MICAL3: variants seen among roughly 807,000 people sequenced by gnomAD.
MICAL3 encodes microtubule associated monooxygenase, calponin and LIM domain containing 3.
MICAL3 carries 62 observed loss-of-function variants against 207.4 expected under a neutral mutation model. The ratio of observed to expected loss-of-function variants is 0.30; its 90% confidence interval spans 0.24 to 0.37. The LOEUF is 0.37. MICAL3 is among the 10% of genes least tolerant of loss of function. The pLI is 1.00. For synonymous variants in MICAL3, 1,077 were observed against 1,069.3 expected (o/e 1.01, Z -0.14); for missense variants, 2,368 against 2,635.6 (o/e 0.90, Z 2.22).
At chr22:17,910,446 A>G (rs1932051829) in intron 1 of MICAL3, among the ~76,000 whole-genome samples, 1 of 152,172 alleles carries the variant, frequency 6.6e-6, no homozygotes, top group Non-Finnish European at 1.5e-5. Flanking sequence ...AACACTTTTA[A>G]ATTAACAGAT....
intron 19 of MICAL3, among the ~76,000 whole-genome samples, chr22:17,854,181 C>T (rs1925644518): frequency 6.6e-6 from 1 of 151,760 alleles, no homozygotes; most frequent in Non-Finnish European, 1.5e-5. Flanking sequence ...CCCTGGGTCA[C>T]TTGGCAATGT....
Position 17,902,065 on chromosome 22 carries a change from C to T in MICAL3, c.590-86G>A. 1 of 934,370 alleles carries T rather than the reference C, an allele frequency of 1.1e-6. No individual in the cohort carries two copies. The highest frequency in any genetic ancestry group is 1.6e-6 in the Non-Finnish European group (1 of 609,928). 57.9% of individuals were successfully genotyped at this position (934,370 alleles called of 1,614,324 possible). On this transcript the variant is annotated intron_variant, in intron 4 of 31. Coordinates refer to ENST00000441493, the MANE Select transcript of MICAL3 (RefSeq NM_015241.3). This position sits in a 1 kb window ranked among gnomAD's most constrained non-coding sequence, Gnocchi z 4.5. ...ATCTCTAGATACCCAGTCATGTGAA[C>T]TGCACAAAACCCTGGGCCAAAAACA... is the stretch of plus-strand genomic sequence containing the variant.
intron 29 of MICAL3, among the ~76,000 whole-genome samples, chr22:17,807,315 C>G (rs1237766126): frequency 6.6e-6 from 1 of 152,208 alleles, no homozygotes; most frequent in African/African-American, 2.4e-5. Flanking sequence ...CTGAGGAGGC[C>G]AAATCAGAGT....
intron 1 of MICAL3, among the ~76,000 whole-genome samples, chr22:17,947,318 C>T (rs1407088332): frequency 6.6e-6 from 1 of 152,226 alleles, no homozygotes; most frequent in Non-Finnish European, 1.5e-5. Context: ...AATGTTTTCC[C>T]TTCATGAAGA....
intron 1 of MICAL3, among the ~76,000 whole-genome samples, chr22:17,917,069 A>C (rs1163640381): frequency 6.6e-6 from 1 of 152,092 alleles, no homozygotes; most frequent in Non-Finnish European, 1.5e-5. Flanking sequence ...GCTGGTGCCC[A>C]CTGTATTGAC....
intron 20 of MICAL3, among the ~76,000 whole-genome samples, chr22:17,836,499 T>G (rs565491686): frequency 1.4e-3 from 218 of 152,276 alleles, no homozygotes; most frequent in African/African-American, 4.3e-3. Flanking sequence ...GCCAGTAGCC[T>G]CTGTCAGGGT....
chr22:17,869,040 T>C (rs1355068780), intron 17 of MICAL3, among the ~76,000 whole-genome samples: 1 of 152,120 alleles, frequency 6.6e-6, no homozygotes, highest in Non-Finnish European at 1.5e-5. Context: ...TCTCACCCTG[T>C]GGAGACCAGG....
intron 1 of MICAL3, among the ~76,000 whole-genome samples, chr22:17,914,870 G>A (rs1231061491): frequency 6.6e-6 from 1 of 152,212 alleles, no homozygotes; most frequent in Non-Finnish European, 1.5e-5. Flanking sequence ...CAACGCCTAT[G>A]AGGAGTCAAT....
intron 1 of MICAL3, among the ~76,000 whole-genome samples, chr22:18,007,877 C>T (rs1402538034): frequency 3.8e-5 from 5 of 132,644 alleles, no homozygotes; most frequent in African/African-American, 8.8e-5. Flanking sequence ...GAGCCGAGAT[C>T]GCACCACTGC....
At chr22:18,023,520 T>G (rs1924613383) in intron 1 of MICAL3, among the ~76,000 whole-genome samples, 1 of 152,214 alleles carries the variant, frequency 6.6e-6, no homozygotes, top group Non-Finnish European at 1.5e-5. Flanking sequence ...GGGAAGGGGT[T>G]GGCAGGCACG....
At chr22:17,913,119 T>G (rs758349950) in intron 1 of MICAL3, among the ~76,000 whole-genome samples, 11 of 152,130 alleles carry the variant, frequency 7.2e-5, no homozygotes, top group Non-Finnish European at 1.6e-4. Context: ...CTCAGCAGGA[T>G]GGAGAGGAAA....
chr22:17,795,858 G>C (rs2061870759), intron 29 of MICAL3, among the ~76,000 whole-genome samples: 1 of 143,338 alleles, frequency 7.0e-6, no homozygotes, highest in South Asian at 2.3e-4. Flanking sequence ...TCCAACAAGG[G>C]GAGTTCCACC....
chr22:17,939,725 G>C (rs1204971705), intron 1 of MICAL3, among the ~76,000 whole-genome samples: 1 of 152,188 alleles, frequency 6.6e-6, no homozygotes, highest in Non-Finnish European at 1.5e-5. Flanking sequence ...GCTGGAGAGT[G>C]ACTGGGAAAC....
chr22:18,001,818 G>T (rs1186185112), intron 1 of MICAL3, among the ~76,000 whole-genome samples: 1 of 152,266 alleles, frequency 6.6e-6, no homozygotes, highest in Non-Finnish European at 1.5e-5. Context: ...TCTTGGAAGG[G>T]GCGAGAAGCC....
intron 1 of MICAL3, among the ~76,000 whole-genome samples, chr22:17,976,628 C>T (rs1420868489): frequency 5.7e-5 from 7 of 122,490 alleles, no homozygotes; most frequent in Admixed American, 3.1e-4. Flanking sequence ...CTCACTCTGT[C>T]GCCCAGGCTG....
intron 1 of MICAL3, among the ~76,000 whole-genome samples, chr22:17,972,766 G>A (rs1935475548): frequency 6.6e-6 from 1 of 152,220 alleles, no homozygotes; most frequent in African/African-American, 2.4e-5. Context: ...GAGAGGAAAG[G>A]GAGGAAAAAT....
chr22:17,887,554 C>T lies in MICAL3; in HGVS notation c.1892-119G>A, dbSNP rs2146223317. 3 of 631,318 alleles carry T rather than the reference C, an allele frequency of 4.8e-6. No homozygotes were observed. In the South Asian group the frequency reaches 6.3e-5, roughly 13 times the overall value. 39.1% of individuals were successfully genotyped at this position (631,318 alleles called of 1,614,324 possible). On this transcript the variant is annotated intron_variant, in intron 13 of 31. Transcript: ENST00000441493. Reference sequence around the variant, plus strand: ...GCCTCAGAAGGCTCTAAAGGTTCACCAGCTCCAGGACAAGCATGTGGTCTC... The same window carrying T: ...GCCTCAGAAGGCTCTAAAGGTTCACTAGCTCCAGGACAAGCATGTGGTCTC...
chr22:17,965,636 G>T lies in MICAL3; in HGVS notation c.-75+58645C>A, dbSNP rs561009219. ...TAGACAAGAAAAAGGAGACAGAGAGGCTACGTAACTTGCCCCAAGTCACAC... is the reference window on the plus strand; with the variant it reads ...TAGACAAGAAAAAGGAGACAGAGAGTCTACGTAACTTGCCCCAAGTCACAC... On this transcript the variant is annotated intron_variant, in intron 1 of 31. Transcript: ENST00000441493. 1.3e-4 allele frequency among the ~76,000 whole-genome samples: 20 copies of T among 152,314 alleles called. No individual in the cohort carries two copies. The South Asian group carries it at 3.9e-3, about 30-fold the overall frequency.
At chr22:17,936,513 G>A (rs1227314746) in intron 1 of MICAL3, among the ~76,000 whole-genome samples, 1 of 151,162 alleles carries the variant, frequency 6.6e-6, no homozygotes, top group African/African-American at 2.4e-5. Context: ...AACATGGCAC[G>A]TGTATACCTA....
Sources: gnomAD v4.1 joint callset for allele counts (sites outside exome capture counted in the v4.1 genomes callset) on GRCh38, gnomAD v4.1.1 for gene constraint, Gnocchi (gnomAD v3.1) non-coding constraint, MANE v1.5 for transcripts, NCBI Gene and HGNC (gene_info 2026-07-23, HGNC 2026-07-21) for gene names.